Variants in RSPO3 observed in about 807,000 individuals in gnomAD.
RSPO3 encodes R-spondin 3, also known as R-spondin-3.
Under a neutral mutation model 36.5 loss-of-function variants are expected in RSPO3, and 17 were observed. The observed-to-expected ratio is 0.47, with a 90% CI of 0.32 to 0.70. RSPO3 has a LOEUF of 0.70. Among genes scored for constraint, RSPO3 ranks in the 30% least tolerant of loss-of-function variants. RSPO3 has a pLI of 0.04. For synonymous variants in RSPO3, 108 were observed against 107.0 expected, an observed-to-expected ratio of 1.01 and a Z score of -0.06; for missense variants, 294 against 322.5, an observed-to-expected ratio of 0.91 and a Z score of 0.68.
intron 4 of RSPO3, among the ~76,000 whole-genome samples, chr6:127,172,205 C>T (rs1472171584): frequency 6.9e-6 from 1 of 145,328 alleles, no homozygotes; most frequent in African/African-American, 2.5e-5. Context: ...TATAGATATA[C>T]AGATATAAAT....
intron 3 of RSPO3, among the ~76,000 whole-genome samples, chr6:127,151,656 T>C (rs1039137431): frequency 1.4e-4 from 22 of 152,096 alleles, no homozygotes; most frequent in African/African-American, 5.3e-4. Flanking sequence ...CTAAACAATG[T>C]TCTTGATAGA....
At chr6:127,155,186 C>A in intron 3 of RSPO3, 55 bp from the exon 4 acceptor site, 2 of 1,547,192 alleles carry the variant, frequency 1.3e-6, no homozygotes, top group Non-Finnish European at 1.8e-6. Flanking sequence ...TTTAACTCAA[C>A]AATAGTGAAA....
At position 127,179,949 on chromosome 6, in the gene RSPO3, T is replaced by C. The variant is rs76511741; in HGVS notation, c.635-15874T>C. Among the ~76,000 whole-genome samples the C allele has an allele frequency of 1.1e-4, 16 of 151,998 alleles. No individual in the cohort carries two copies. The East Asian group carries it at 3.1e-3, about 30-fold the overall frequency. On this transcript the variant is annotated intron_variant, in intron 4 of 4. Coordinates refer to ENST00000356698, the MANE Select transcript of RSPO3 (RefSeq NM_032784.5). ...ATGTAATTAAATGGACCAATCTGGATAATTCCAGATAATCTCTGCATCTCA... is the reference window on the plus strand; with the variant it reads ...ATGTAATTAAATGGACCAATCTGGACAATTCCAGATAATCTCTGCATCTCA...
chr6:127,122,798 T>C (rs961432424), intron 1 of RSPO3, among the ~76,000 whole-genome samples: 3 of 152,178 alleles, frequency 2.0e-5, no homozygotes, highest in Non-Finnish European at 4.4e-5. Flanking sequence ...AAATACCTAA[T>C]AGTAAAGTTT....
intron 4 of RSPO3, among the ~76,000 whole-genome samples, chr6:127,173,526 A>C (rs1014614343): frequency 6.6e-6 from 1 of 151,894 alleles, no homozygotes; most frequent in Non-Finnish European, 1.5e-5. Flanking sequence ...AATATTGAAG[A>C]CATAAAGTAA....
chr6:127,121,463 A>G (rs796811912), intron 1 of RSPO3, among the ~76,000 whole-genome samples: 3 of 152,214 alleles, frequency 2.0e-5, no homozygotes, highest in African/African-American at 7.2e-5. Context: ...TGCAATTCCA[A>G]TTTTTCTGTG....
At chr6:127,174,032 T>C (rs916974685) in intron 4 of RSPO3, among the ~76,000 whole-genome samples, 3 of 151,910 alleles carry the variant, frequency 2.0e-5, no homozygotes, top group African/African-American at 7.2e-5. Context: ...TTGATTTCCT[T>C]TAGCAGTATT....
rs1439905091 is a variant in RSPO3, at chr6:127,119,159, G to A, written c.-34G>A. On this transcript the variant is annotated 5_prime_UTR_variant, in exon 1 of 5. Transcript: ENST00000356698. ...AAATATAATTAACAATCAAAAGAAA[G>A]AGGAGAAAGGAAGGGAAGCATTACT... 3 of 1,418,678 alleles carry A rather than the reference G, an allele frequency of 2.1e-6. No individual in the cohort carries two copies. The highest frequency in any genetic ancestry group is 3.0e-6 in the Non-Finnish European group (3 of 1,007,890). The allele number at this position is 1,418,678 out of a possible 1,614,324, so 87.9% of individuals were successfully genotyped here.
At chr6:127,180,885 T>G (rs1775171866) in intron 4 of RSPO3, among the ~76,000 whole-genome samples, 1 of 151,846 alleles carries the variant, frequency 6.6e-6, no homozygotes, top group Admixed American at 6.6e-5. Flanking sequence ...ATAATGAGAA[T>G]AGTAGGAATT....
At chr6:127,162,608 A>G (rs1377804703) in intron 4 of RSPO3, among the ~76,000 whole-genome samples, 1 of 152,192 alleles carries the variant, frequency 6.6e-6, no homozygotes, top group East Asian at 1.9e-4. Flanking sequence ...AACTTCCACC[A>G]TGTGCTGGGC....
chr6:127,137,189 A>G (rs1226222868), intron 1 of RSPO3, among the ~76,000 whole-genome samples: 1 of 152,070 alleles, frequency 6.6e-6, no homozygotes, highest in Non-Finnish European at 1.5e-5. Context: ...GTCAGGAGTT[A>G]AAGACCAGAC....
intron 4 of RSPO3, among the ~76,000 whole-genome samples, chr6:127,164,832 A>G (rs1338398315): frequency 6.6e-6 from 1 of 152,108 alleles, no homozygotes; most frequent in Middle Eastern, 3.2e-3. Flanking sequence ...CCCAGCTGCC[A>G]TAATTGAGAA....
chr6:127,191,593 A>C (rs1332921909), intron 4 of RSPO3, among the ~76,000 whole-genome samples: 1 of 152,240 alleles, frequency 6.6e-6, no homozygotes, highest in Non-Finnish European at 1.5e-5. Context: ...ACTATGCAAC[A>C]AAATCTTAAA....
intron 4 of RSPO3, among the ~76,000 whole-genome samples, chr6:127,166,877 TTAA>T (rs1774831636): frequency 6.6e-6 from 1 of 151,996 alleles, no homozygotes; most frequent in African/African-American, 2.4e-5. Flanking sequence ...CATTTTCCTA[TTAA>T]TAAGGCTAAT....
chr6:127,180,487 C>CAAAAA (rs71543112), intron 4 of RSPO3, among the ~76,000 whole-genome samples: 9 of 42,644 alleles, frequency 2.1e-4, no homozygotes, highest in South Asian at 1.8e-3. Flanking sequence ...TGGAAGAAAA[C>CAAAAA]AAAAAAAAAA....
At chr6:127,131,867 A>G (rs1206220371) in intron 1 of RSPO3, among the ~76,000 whole-genome samples, 2 of 152,094 alleles carry the variant, frequency 1.3e-5, no homozygotes, top group Non-Finnish European at 2.9e-5. Context: ...TTCTTTCCTC[A>G]TAGACAATTT....
chr6:127,139,596 T>A (rs1014111694), intron 1 of RSPO3, among the ~76,000 whole-genome samples: 16 of 151,978 alleles, frequency 1.1e-4, no homozygotes, highest in African/African-American at 3.9e-4. Flanking sequence ...AAAAAATTTC[T>A]AATTATTTCT....
chr6:127,180,924 C>G (rs973541737), intron 4 of RSPO3, among the ~76,000 whole-genome samples: 12 of 151,748 alleles, frequency 7.9e-5, no homozygotes, highest in African/African-American at 2.7e-4. Flanking sequence ...ATGAGGCAAA[C>G]AAAGCACAGA....
At chr6:127,161,892 G>A (rs1774717043) in intron 4 of RSPO3, among the ~76,000 whole-genome samples, 1 of 152,260 alleles carries the variant, frequency 6.6e-6, no homozygotes, top group Non-Finnish European at 1.5e-5. Flanking sequence ...GATTGTTTCA[G>A]TTAGCTTTTG....
Sources: gnomAD v4.1 joint callset for allele counts (sites outside exome capture counted in the v4.1 genomes callset) on GRCh38, gnomAD v4.1.1 for gene constraint, MANE v1.5 for transcripts, NCBI Gene and HGNC (gene_info 2026-07-23, HGNC 2026-07-21) for gene names.